Variants in SHTN1 observed in about 807,000 individuals in gnomAD.
SHTN1 encodes shootin 1.
Under a neutral mutation model 83.1 loss-of-function variants are expected in SHTN1, and 42 were observed. The observed-to-expected ratio is 0.51, with a 90% confidence interval of 0.39 to 0.65. The LOEUF (loss-of-function observed/expected upper bound fraction) is 0.65, where lower values mean the gene tolerates loss of function less well. Ranked by LOEUF, SHTN1 falls within the 30% of genes least tolerant of loss-of-function variation. The pLI is 0.00. For missense variants in SHTN1, 622 were observed against 737.8 expected (o/e 0.84, Z 1.82); for synonymous variants, 224 against 247.7 (o/e 0.90, Z 0.90).
At chr10:117,036,541 C>A (rs1420855564) in intron 2 of SHTN1, among the ~76,000 whole-genome samples, 1 of 152,182 alleles carries the variant, frequency 6.6e-6, no homozygotes, top group Non-Finnish European at 1.5e-5. Context: ...CACAGAAAGA[C>A]AAACATCACA....
At chr10:116,902,225 G>A (rs534322694) in intron 15 of SHTN1, among the ~76,000 whole-genome samples, 1 of 152,186 alleles carries the variant, frequency 6.6e-6, no homozygotes, top group African/African-American at 2.4e-5. Context: ...CACTGACCAG[G>A]GTCCTTCGTA....
intron 2 of SHTN1, among the ~76,000 whole-genome samples, chr10:117,043,772 G>A (rs1405012402): frequency 1.3e-5 from 2 of 151,902 alleles, no homozygotes; most frequent in African/African-American, 4.9e-5. Context: ...GGCCCTGGAG[G>A]TGGAGGCTGC....
intron 1 of SHTN1, among the ~76,000 whole-genome samples, chr10:117,001,423 C>T (rs1250388771): frequency 6.6e-6 from 1 of 152,032 alleles, no homozygotes; most frequent in Admixed American, 6.5e-5. Flanking sequence ...TGACAGACTC[C>T]GTCATTACAT....
At chr10:116,914,296 A>C (rs2133352537) in intron 13 of SHTN1, among the ~76,000 whole-genome samples, 1 of 152,138 alleles carries the variant, frequency 6.6e-6, no homozygotes, top group South Asian at 2.1e-4. Context: ...ACACGGTGAA[A>C]CCCTGTCTTT....
intron 1 of SHTN1, among the ~76,000 whole-genome samples, chr10:117,122,561 G>A (rs1853946415): frequency 6.6e-6 from 1 of 152,172 alleles, no homozygotes; most frequent in African/African-American, 2.4e-5. Context: ...AATCATCAGG[G>A]AAATGCAAAG....
chr10:117,124,567 G>A (rs1410127431), intron 1 of SHTN1, among the ~76,000 whole-genome samples: 1 of 152,178 alleles, frequency 6.6e-6, no homozygotes, highest in African/African-American at 2.4e-5. Context: ...GAGGTCAGGA[G>A]TTCAAGATCA....
chr10:117,033,479 T>C (rs535159060), intron 2 of SHTN1, among the ~76,000 whole-genome samples: 13 of 152,042 alleles, frequency 8.6e-5, no homozygotes, highest in Non-Finnish European at 1.9e-4. Context: ...GACTGAATCA[T>C]GAAGAAATCC....
At chr10:116,944,459 C>T (rs1849500129) in intron 8 of SHTN1, among the ~76,000 whole-genome samples, 1 of 152,154 alleles carries the variant, frequency 6.6e-6, no homozygotes, top group African/African-American at 2.4e-5. Flanking sequence ...AATTTGAGCC[C>T]AGATCTTTTG....
chr10:116,992,392 T>C (rs1336348852), intron 1 of SHTN1, among the ~76,000 whole-genome samples: 1 of 152,154 alleles, frequency 6.6e-6, no homozygotes, highest in Non-Finnish European at 1.5e-5. Context: ...AGGACGTGCC[T>C]CTAAAAGCAA....
chr10:116,974,747 C>T (rs556968319), intron 2 of SHTN1, among the ~76,000 whole-genome samples: 3 of 152,092 alleles, frequency 2.0e-5, no homozygotes, highest in South Asian at 2.1e-4. Flanking sequence ...CTTCTTTTTA[C>T]GCACACTCCA....
At chr10:117,040,819 T>C (rs569615061) in intron 2 of SHTN1, among the ~76,000 whole-genome samples, 1 of 152,238 alleles carries the variant, frequency 6.6e-6, no homozygotes, top group South Asian at 2.1e-4. Flanking sequence ...TTTTGTCACT[T>C]TTTTATTGAA....
intron 1 of SHTN1, among the ~76,000 whole-genome samples, chr10:117,067,535 C>A (rs1330020613): frequency 6.6e-6 from 1 of 152,184 alleles, no homozygotes; most frequent in East Asian, 1.9e-4. Flanking sequence ...GCAGAGGTTG[C>A]AGTGAGCCAA....
rs555730660 is a variant in SHTN1, at chr10:117,004,109, A to G, written c.58+913T>C. 2.0e-3 allele frequency among the ~76,000 whole-genome samples: 302 copies of G among 151,972 alleles called. 1 individual carries two copies. The highest frequency in any genetic ancestry group is 6.7e-3 in the African/African-American group (278 of 41,456). ...TCCATGTTGGTTAGGCTGGTCTCGA[A>G]CTCCTGACCTTAGGTGATCCACCTG... On this transcript the variant is annotated intron_variant, in intron 1 of 16. Coordinates refer to ENST00000355371, the MANE Select transcript of SHTN1 (RefSeq NM_001127211.3).
intron 2 of SHTN1, among the ~76,000 whole-genome samples, chr10:117,017,903 A>G (rs114719189): frequency 0.017 from 2,575 of 152,286 alleles, 74 homozygotes; most frequent in African/African-American, 0.058. Context: ...TTTTCCTAAA[A>G]CCCATAACCC....
chr10:116,969,599 T>C (rs139521422), intron 2 of SHTN1, among the ~76,000 whole-genome samples: 12 of 152,330 alleles, frequency 7.9e-5, no homozygotes, highest in Non-Finnish European at 1.6e-4. Context: ...ATATCATTTA[T>C]ATAAACCGAT....
At chr10:116,911,667 A>G (rs1378472265) in intron 14 of SHTN1, 123 bp downstream of exon 14, 4 of 1,574,960 alleles carry the variant, frequency 2.5e-6, no homozygotes, top group Non-Finnish European at 3.5e-6. Context: ...TAAACTGGCC[A>G]AAGATGAGGC....
At chr10:117,073,807 C>T (rs1249464406) in intron 1 of SHTN1, among the ~76,000 whole-genome samples, 1 of 152,130 alleles carries the variant, frequency 6.6e-6, no homozygotes, top group African/African-American at 2.4e-5. Context: ...TCCACTTTGC[C>T]CCTCTGCCAG....
At position 116,901,534 on chromosome 10, in the gene SHTN1, A is replaced by G. The variant is rs960681330; in HGVS notation, c.1673+231T>C. Reference sequence around the variant, plus strand: ...TTGTGTAGAAGAACCTGATTACCAAACCAGTTTAGGGGAAGTAATTCTCTT... The same window carrying G: ...TTGTGTAGAAGAACCTGATTACCAAGCCAGTTTAGGGGAAGTAATTCTCTT... On this transcript the variant is annotated intron_variant, in intron 16 of 16. Coordinates refer to ENST00000355371, the MANE Select transcript of SHTN1 (RefSeq NM_001127211.3). The G allele has an allele frequency of 3.0e-6, 3 of 985,168 alleles. No individual in the cohort carries two copies. In the African/African-American group the frequency reaches 5.2e-5, roughly 17 times the overall value. 61.0% of individuals were successfully genotyped at this position (985,168 alleles called of 1,614,324 possible).
At chr10:116,906,049 A>G (rs1296389116) in intron 15 of SHTN1, among the ~76,000 whole-genome samples, 1 of 152,262 alleles carries the variant, frequency 6.6e-6, no homozygotes, top group Admixed American at 6.5e-5. Context: ...GGATACAAAG[A>G]GTAAAGATGA....
Sources: gnomAD v4.1 joint callset for allele counts (sites outside exome capture counted in the v4.1 genomes callset) on GRCh38, gnomAD v4.1.1 for gene constraint, MANE v1.5 for transcripts, NCBI Gene and HGNC (gene_info 2026-07-23, HGNC 2026-07-21) for gene names.